CAMKMT: variants seen among roughly 807,000 people sequenced by gnomAD.
CAMKMT encodes CaM KMT.
Under a neutral mutation model 48.0 loss-of-function variants are expected in CAMKMT, and 53 were observed. The ratio of observed to expected loss-of-function variants is 1.10; its 90% confidence interval spans 0.89 to 1.39. The LOEUF is 1.39. Among genes scored for constraint, CAMKMT ranks in the 40% most tolerant of loss-of-function variants. The pLI, the probability that CAMKMT is intolerant of heterozygous loss-of-function variation, is 0.00. For synonymous variants in CAMKMT, 165 were observed against 152.3 expected (o/e 1.08, Z -0.61); for missense variants, 428 against 402.7 (o/e 1.06, Z -0.54).
At chr2:44,577,067 T>C (rs888347308) in intron 3 of CAMKMT, among the ~76,000 whole-genome samples, 1 of 152,232 alleles carries the variant, frequency 6.6e-6, no homozygotes, top group African/African-American at 2.4e-5. Flanking sequence ...AGCATTCTGG[T>C]TAAATAATTC....
At chr2:44,659,277 T>A (rs1016760177) in intron 3 of CAMKMT, among the ~76,000 whole-genome samples, 1 of 151,552 alleles carries the variant, frequency 6.6e-6, no homozygotes, top group Non-Finnish European at 1.5e-5. Flanking sequence ...AATAAAAAAA[T>A]TAGCCAGGTT....
chr2:44,715,866 C>T (rs542313008), intron 7 of CAMKMT, among the ~76,000 whole-genome samples: 14 of 152,210 alleles, frequency 9.2e-5, no homozygotes, highest in African/African-American at 3.4e-4. Context: ...AACATCTGGC[C>T]CAGAATGTCA....
intron 8 of CAMKMT, 48 bp downstream of exon 8, chr2:44,743,744 G>A: frequency 1.3e-6 from 2 of 1,486,864 alleles, no homozygotes; most frequent in East Asian, 2.3e-5. Context: ...AAATAGCTTT[G>A]CTGGAGTAAT....
intron 7 of CAMKMT, among the ~76,000 whole-genome samples, chr2:44,719,952 T>A (rs1232000907): frequency 6.6e-6 from 1 of 152,214 alleles, no homozygotes; most frequent in Non-Finnish European, 1.5e-5. Flanking sequence ...TGAAGACCGC[T>A]GAGAATTCTA....
At chr2:44,482,083 T>C (rs1015138432) in intron 3 of CAMKMT, among the ~76,000 whole-genome samples, 2 of 152,088 alleles carry the variant, frequency 1.3e-5, no homozygotes, top group African/African-American at 4.8e-5. Context: ...AATTAACTCA[T>C]GCATTTTGAG....
At chr2:44,707,521 T>C in intron 6 of CAMKMT, 59 bp downstream of exon 6, 1 of 1,411,312 alleles carries the variant, frequency 7.1e-7, no homozygotes, top group Non-Finnish European at 9.9e-7. Flanking sequence ...CCTGGCTGAG[T>C]AACAATTGAT....
intron 3 of CAMKMT, among the ~76,000 whole-genome samples, chr2:44,515,664 G>A (rs960518714): frequency 9.2e-5 from 14 of 152,172 alleles, no homozygotes; most frequent in Non-Finnish European, 1.5e-4. Flanking sequence ...TATCATTTCG[G>A]TTTTAGAAAT....
chr2:44,372,954 A>AT, intron 2 of CAMKMT, 66 bp downstream of exon 2: 1 of 1,351,466 alleles, frequency 7.4e-7, no homozygotes, highest in South Asian at 1.3e-5. Context: ...AAACAATCTA[A>AT]TAAGAATCAT....
At chr2:44,654,076 A>G (rs1047485464) in intron 3 of CAMKMT, among the ~76,000 whole-genome samples, 2 of 152,204 alleles carry the variant, frequency 1.3e-5, no homozygotes, top group African/African-American at 4.8e-5. Context: ...TGGATGCTGT[A>G]AATTACCAGA....
At position 44,701,095 on chromosome 2, in the gene CAMKMT, T is replaced by A. The variant is rs1049773670; in HGVS notation, c.377-3188T>A. Among the ~76,000 whole-genome samples the A allele has an allele frequency of 3.3e-5, 5 of 152,348 alleles. No homozygotes were observed. In the East Asian group the frequency reaches 5.8e-4, roughly 18 times the overall value. On this transcript the variant is annotated intron_variant, in intron 3 of 10. Coordinates refer to ENST00000378494, the MANE Select transcript of CAMKMT (RefSeq NM_024766.5). ...TGGGCTACTAAGAACAATGCTGCTA[T>A]GAGCATTCGTGTACAAGTTTTTGTT...
At chr2:44,420,260 G>A (rs538521480) in intron 3 of CAMKMT, among the ~76,000 whole-genome samples, 1 of 152,142 alleles carries the variant, frequency 6.6e-6, no homozygotes, top group East Asian at 1.9e-4. Flanking sequence ...ATAATTATAT[G>A]GTCAAGTCTC....
rs149821267 is a variant in CAMKMT, at chr2:44,749,466, G to A, written c.699-4589G>A. Among the ~76,000 whole-genome samples the A allele has an allele frequency of 5.1e-4, 78 of 152,240 alleles. 1 individual carries two copies. The highest frequency in any genetic ancestry group is 3.4e-3 in the Middle Eastern group (1 of 294). ...GCCAGTCTGTGTGTACGCTGTGCTG[G>A]AACTATTAATAGTAAAGCAAAATGA... On this transcript the variant is annotated intron_variant, in intron 8 of 10. Coordinates refer to ENST00000378494, the MANE Select transcript of CAMKMT (RefSeq NM_024766.5).
At position 44,526,134 on chromosome 2, in the gene CAMKMT, C is replaced by T. The variant is rs559273950; in HGVS notation, c.376+135829C>T. On this transcript the variant is annotated intron_variant, in intron 3 of 10. Coordinates refer to ENST00000378494, the MANE Select transcript of CAMKMT (RefSeq NM_024766.5). ...AATCATCATTCTCAGGAAACTATCA[C>T]AAGGACAAAAAACCTCTTTCCCAAG... Among the ~76,000 whole-genome samples, 7 of 152,184 alleles carry T rather than the reference C, an allele frequency of 4.6e-5. 1 individual carries two copies. The highest frequency in any genetic ancestry group is 1.0e-4 in the Non-Finnish European group (7 of 68,002).
At chr2:44,512,219 G>A (rs1335384700) in intron 3 of CAMKMT, among the ~76,000 whole-genome samples, 1 of 152,064 alleles carries the variant, frequency 6.6e-6, no homozygotes, top group Non-Finnish European at 1.5e-5. Flanking sequence ...ACAAAAAAGG[G>A]GCAAAAAGTT....
chr2:44,394,441 T>C (rs1369913556), intron 3 of CAMKMT, among the ~76,000 whole-genome samples: 2 of 152,042 alleles, frequency 1.3e-5, no homozygotes, highest in African/African-American at 4.8e-5. Flanking sequence ...GATTTTTTTT[T>C]TTTTTAATGG....
intron 8 of CAMKMT, among the ~76,000 whole-genome samples, chr2:44,750,051 G>A (rs920326230): frequency 6.6e-6 from 1 of 152,156 alleles, no homozygotes; most frequent in African/African-American, 2.4e-5. Context: ...AATTCAAGTT[G>A]TGAATGGAAC....
intron 7 of CAMKMT, among the ~76,000 whole-genome samples, 185 bp from the exon 8 acceptor site, chr2:44,743,437 C>G (rs1408033095): frequency 6.6e-6 from 1 of 152,082 alleles, no homozygotes; most frequent in East Asian, 1.9e-4. Context: ...AATTCTTCTT[C>G]TAGATTTGAA....
intron 2 of CAMKMT, among the ~76,000 whole-genome samples, chr2:44,383,506 G>A (rs1230749550): frequency 6.6e-6 from 1 of 151,998 alleles, no homozygotes; most frequent in Admixed American, 6.6e-5. Flanking sequence ...TTTTCCATAA[G>A]TTATTGGGGT....
chr2:44,606,907 C>T (rs1489917672), intron 3 of CAMKMT, among the ~76,000 whole-genome samples: 2 of 151,984 alleles, frequency 1.3e-5, no homozygotes, highest in African/African-American at 4.8e-5. Flanking sequence ...CCCTACCCGC[C>T]CTTCCATTTT....
Sources: gnomAD v4.1 joint callset for allele counts (sites outside exome capture counted in the v4.1 genomes callset) on GRCh38, gnomAD v4.1.1 for gene constraint, MANE v1.5 for transcripts, NCBI Gene and HGNC (gene_info 2026-07-23, HGNC 2026-07-21) for gene names.